VLDLR: variants seen among roughly 807,000 people sequenced by gnomAD.
The protein encoded by VLDLR is very low density lipoprotein receptor.
VLDLR carries 81 observed loss-of-function variants against 112.7 expected under a neutral mutation model. The ratio of observed to expected loss-of-function variants is 0.72; its 90% CI spans 0.60 to 0.86. VLDLR has a LOEUF of 0.86. Among genes scored for constraint, VLDLR ranks in the 40% least tolerant of loss-of-function variants. VLDLR has a pLI of 0.00. For synonymous variants in VLDLR, 436 were observed against 384.8 expected, an observed-to-expected ratio of 1.13 and a Z score of -1.56; for missense variants, 1,237 against 1,099.4, an observed-to-expected ratio of 1.13 and a Z score of -1.77.
rs1817908564 is a variant in VLDLR, at chr9:2,643,287, C to T, written c.576C>T (p.Thr192=). Residue 192 remains threonine (T), a synonymous_variant, in exon 5 of 19, where the codon ACC becomes ACT. Transcript: ENST00000382100. ...ATGAGCTGGACTGTGCCCCGCCAAC[C>T]TGTGGCGCCCATGAGTTCCAGTGCA... ...GSDELDCAPP[T]CGAHEFQCST... The T allele has an allele frequency of 1.2e-6, 2 of 1,613,726 alleles. No homozygotes were observed. Among genetic ancestry groups the T allele is most frequent in the Non-Finnish European group, 1.7e-6 (2 of 1,179,668 alleles).
At position 2,654,496 on chromosome 9, in the gene VLDLR, G is replaced by A. The variant is rs1238777368; in HGVS notation, c.*628G>A. ...AGCAGCTTAACCATGGTTTGTGCCT[G>A]TTCCTCTAGGATGAACTCCTATCCT... On this transcript the variant is annotated 3_prime_UTR_variant, in exon 19 of 19. Transcript: ENST00000382100. 1 of 157,958 alleles carries A rather than the reference G, an allele frequency of 6.3e-6. No individual in the cohort carries two copies. Among genetic ancestry groups the A allele is most frequent in the Non-Finnish European group, 1.4e-5 (1 of 71,294 alleles). 9.8% of individuals were successfully genotyped at this position (157,958 alleles called of 1,614,324 possible). A position where few individuals can be genotyped will look rare whatever the true frequency, so the allele number is the denominator to read the frequency against.
chr9:2,645,498 C>G, intron 9 of VLDLR, 76 bp from the exon 10 acceptor site: 1 of 1,550,476 alleles, frequency 6.4e-7, no homozygotes, highest in South Asian at 1.1e-5. Flanking sequence ...AAGTGCTCCT[C>G]TGCTGGGAGG....
intron 14 of VLDLR, 101 bp from the exon 15 acceptor site, chr9:2,650,269 C>A: frequency 6.8e-7 from 1 of 1,478,506 alleles, no homozygotes; most frequent in Non-Finnish European, 9.3e-7. Context: ...CAAGTTTAAG[C>A]TCTTGGGGGC....
At chr9:2,630,553 C>G (rs746142652) in intron 1 of VLDLR, among the ~76,000 whole-genome samples, 8 of 152,220 alleles carry the variant, frequency 5.3e-5, no homozygotes, top group Non-Finnish European at 1.5e-5. Context: ...GGGCATGCAT[C>G]TTGGAGTGCT....
chr9:2,642,049 T>C (rs1026900923), intron 4 of VLDLR, among the ~76,000 whole-genome samples: 1 of 152,098 alleles, frequency 6.6e-6, no homozygotes, highest in Non-Finnish European at 1.5e-5. Context: ...CAACTGGTGA[T>C]ACCTTTGTCT....
At chr9:2,624,986 T>C (rs1344193401) in intron 1 of VLDLR, among the ~76,000 whole-genome samples, 1 of 152,230 alleles carries the variant, frequency 6.6e-6, no homozygotes. Flanking sequence ...AGTCCCCAGA[T>C]ACTTAAAGCA....
chr9:2,653,910 T>C lies in VLDLR; in HGVS notation c.*42T>C, dbSNP rs1818475150. ...TGACCTTTGAGGTCTAAACAAATAA[T>C]ACCCCCGTCGGAATGGTAACCGAGC... On this transcript the variant is annotated 3_prime_UTR_variant, in exon 19 of 19. Coordinates refer to ENST00000382100, the MANE Select transcript of VLDLR (RefSeq NM_003383.5). 3 of 1,608,828 alleles carry C rather than the reference T, an allele frequency of 1.9e-6. No homozygotes were observed. The highest frequency in any genetic ancestry group is 4.5e-5 in the East Asian group (2 of 44,840).
At chr9:2,640,589 A>G (rs1817781386) in intron 3 of VLDLR, among the ~76,000 whole-genome samples, 1 of 152,216 alleles carries the variant, frequency 6.6e-6, no homozygotes, top group Non-Finnish European at 1.5e-5. Context: ...TTGGGATCAT[A>G]TAAATTGAGA....
intron 14 of VLDLR, among the ~76,000 whole-genome samples, chr9:2,649,287 G>A (rs771398212): frequency 6.6e-6 from 1 of 152,172 alleles, no homozygotes; most frequent in African/African-American, 2.4e-5. Flanking sequence ...TGAGGGAAGG[G>A]TCTGTTCCAG....
At chr9:2,642,823 C>G (rs149251118) in intron 4 of VLDLR, among the ~76,000 whole-genome samples, 7 of 152,318 alleles carry the variant, frequency 4.6e-5, no homozygotes, top group Non-Finnish European at 8.8e-5. Context: ...GATTCAAGGA[C>G]AACTCAATCT....
chr9:2,640,252 G>A (rs768096337), intron 3 of VLDLR, among the ~76,000 whole-genome samples: 1 of 152,164 alleles, frequency 6.6e-6, no homozygotes, highest in Non-Finnish European at 1.5e-5. Flanking sequence ...AGAACTCCTT[G>A]ACTAGGTGCA....
intron 1 of VLDLR, among the ~76,000 whole-genome samples, chr9:2,634,806 C>T (rs1331634275): frequency 6.6e-6 from 1 of 152,188 alleles, no homozygotes; most frequent in Non-Finnish European, 1.5e-5. Context: ...GAGGAGGAAT[C>T]ATGTATTAAA....
Position 2,629,320 on chromosome 9 carries a change from A to C in VLDLR, c.83-6133A>C, listed in dbSNP as rs576037854. 1.1e-4 allele frequency among the ~76,000 whole-genome samples: 17 copies of C among 152,362 alleles called. No homozygotes were observed. In the South Asian group the frequency reaches 3.5e-3, roughly 32 times the overall value. ...CCTAGACAAGAAAACCAAGAGCTAT[A>C]ATCCTTTTAGAAGACTTGCTGAGGA... On this transcript the variant is annotated intron_variant, in intron 1 of 18. Transcript: ENST00000382100.
intron 14 of VLDLR, among the ~76,000 whole-genome samples, chr9:2,649,643 C>T (rs1250084113): frequency 2.0e-5 from 3 of 152,146 alleles, no homozygotes; most frequent in African/African-American, 4.8e-5. Context: ...CTGCCTGCCT[C>T]GGCCTCCTAA....
At chr9:2,632,935 T>G (rs1008827589) in intron 1 of VLDLR, among the ~76,000 whole-genome samples, 2 of 152,038 alleles carry the variant, frequency 1.3e-5, no homozygotes, top group Non-Finnish European at 2.9e-5. Flanking sequence ...TAAAGCCAGC[T>G]TGTCTTCCCA....
Position 2,652,644 on chromosome 9 carries a change from C to T in VLDLR, c.2417-136C>T, listed in dbSNP as rs567398459. 4 of 1,228,174 alleles carry T rather than the reference C, an allele frequency of 3.3e-6. No individual in the cohort carries two copies. In the South Asian group the frequency reaches 5.4e-5, roughly 17 times the overall value. 76.1% of individuals were successfully genotyped at this position (1,228,174 alleles called of 1,614,324 possible). ...AGCTCCTGGCCCATGTGTATTCCAA[C>T]TTCTAGTTATCCTAGCTCCATAAAA... is the stretch of plus-strand genomic sequence containing the variant. On this transcript the variant is annotated intron_variant, in intron 17 of 18. Transcript: ENST00000382100.
Position 2,653,384 on chromosome 9 carries a change from G to A in VLDLR, c.2586+435G>A, listed in dbSNP as rs115084160. Among the ~76,000 whole-genome samples the A allele has an allele frequency of 8.4e-3, 1,286 of 152,218 alleles. 25 individuals are homozygous for A. Among genetic ancestry groups the A allele is most frequent in the African/African-American group, 0.03 (1,234 of 41,534 alleles). ...CTTTGCTTTAAAAAGGTATCCCACC[G>A]CCCTTAGTATAGCTAGCTTTTCTTC... On this transcript the variant is annotated intron_variant, in intron 18 of 18. Transcript: ENST00000382100.
rs113022584 is a variant in VLDLR at position 2,644,803 on chromosome 9, A to G, written c.1136A>G (p.Glu379Gly). ...HICKDLVIGY[E>G]CDCAAGFELI... ...TGCAAAGACCTAGTTATAGGCTACG[A>G]GTGTGACTGTGCAGCTGGGTTTGAA... Residue 379 changes from glutamate to glycine, a missense_variant, in exon 8 of 19, where the codon GAG (glutamate) becomes GGG (glycine). Glu to Gly is a moderately conservative substitution (Grantham distance 98). Coordinates refer to ENST00000382100, the MANE Select transcript of VLDLR (RefSeq NM_003383.5). 6.2e-7 allele frequency: 1 copy of G among 1,614,204 alleles called. No individual in the cohort carries two copies.
Position 2,621,984 on chromosome 9 carries a change from G to C in VLDLR, c.-206G>C. 1.5e-6 allele frequency: 1 copy of C among 659,454 alleles called. No homozygotes were observed. The highest frequency in any genetic ancestry group is 1.9e-5 in the African/African-American group (1 of 53,856). 40.9% of individuals were successfully genotyped at this position (659,454 alleles called of 1,614,324 possible). The stretch of plus-strand genomic sequence containing the variant: ...TGCTGCAGCCCGGGGAGGTGGCTGG[G>C]TGGGTGGGGAGGAGACTGTGCAAGT... On this transcript the variant is annotated 5_prime_UTR_variant, in exon 1 of 19. Transcript: ENST00000382100.
Sources: allele counts gnomAD v4.1 joint callset (sites outside exome capture counted in the v4.1 genomes callset), GRCh38; gene constraint gnomAD v4.1.1; transcripts MANE v1.5; gene names NCBI Gene and HGNC (gene_info 2026-07-23, HGNC 2026-07-21).